The following DAP3 variants were observed in gnomAD, a reference collection of about 807,000 sequenced individuals.
DAP3 encodes the protein death associated protein 3, also known as small ribosomal subunit protein mS29.
In DAP3, 28 loss-of-function variants were observed where a neutral mutation model predicts 51.9. The observed-to-expected ratio is 0.54, with a 90% CI of 0.40 to 0.74. DAP3 has a LOEUF of 0.74. Among genes scored for constraint, DAP3 ranks in the 30% least tolerant of loss-of-function variants. The pLI is 0.00. For missense variants in DAP3, 458 were observed against 483.5 expected (o/e 0.95, Z 0.49); for synonymous variants, 170 against 170.3 (o/e 1.00, Z 0.01).
Position 155,736,940 on chromosome 1 carries a change from C to T in DAP3, c.994-6C>T, listed in dbSNP as rs1207161630. 6.2e-7 allele frequency: 1 copy of T among 1,603,584 alleles called. No individual in the cohort carries two copies. The highest frequency in any genetic ancestry group is 1.7e-5 in the Admixed American group (1 of 59,868). ...AACATGTTTCCTGATCCTTTTTCTT[C>T]CCCAGGAAGGATTTGATGCCCTGGA... On this transcript the variant is annotated splice_polypyrimidine_tract_variant and splice_region_variant and intron_variant, in intron 11 of 12. Transcript: ENST00000368336.
rs781127660 is a variant in DAP3, at chr1:155,690,133, T to C, written c.-8+959T>C. ...GTATCAATGACTTGATTTAGATTAATGAGGATATATTTTTCAAATTTATGC... is the reference window on the plus strand; with the variant it reads ...GTATCAATGACTTGATTTAGATTAACGAGGATATATTTTTCAAATTTATGC... On this transcript the variant is annotated intron_variant, in intron 1 of 12. Coordinates refer to ENST00000368336, the MANE Select transcript of DAP3 (RefSeq NM_004632.4). Among the ~76,000 whole-genome samples, 2 of 141,448 alleles carry C rather than the reference T, an allele frequency of 1.4e-5. 1 individual carries two copies. The highest frequency in any genetic ancestry group is 6.5e-5 in the African/African-American group (2 of 30,960). 92.8% of individuals were successfully genotyped at this position (141,448 alleles called of 152,430 possible).
At position 155,702,633 on chromosome 1, in the gene DAP3, C is replaced by T. The variant is rs61817762; in HGVS notation, c.-7-7140C>T. On this transcript the variant is annotated intron_variant, in intron 1 of 12. Transcript: ENST00000368336. The stretch of plus-strand genomic sequence containing the variant: ...TTGTCCCAACAGCATTTGTTGAAGA[C>T]ACTATTCTTTCCTCATTGAATTGTC... Among the ~76,000 whole-genome samples, 282 of 152,214 alleles carry T rather than the reference C, an allele frequency of 1.9e-3. 1 individual carries two copies. Among genetic ancestry groups the T allele is most frequent in the African/African-American group, 6.6e-3 (273 of 41,534 alleles).
intron 6 of DAP3, among the ~76,000 whole-genome samples, chr1:155,726,678 T>G (rs558824666): frequency 2.0e-5 from 3 of 151,556 alleles, no homozygotes; most frequent in Middle Eastern, 3.4e-3. Context: ...TCCCAGCACT[T>G]TGGGAGGCTG....
intron 1 of DAP3, among the ~76,000 whole-genome samples, chr1:155,693,277 A>G (rs191302283): frequency 4.2e-5 from 6 of 142,130 alleles, no homozygotes; most frequent in Non-Finnish European, 8.8e-5. Flanking sequence ...AGGAGGCTTG[A>G]CACAGCTCTG....
rs181922231 is a variant in DAP3, at chr1:155,730,208, A to G, written c.843+842A>G. ...ATATATAATATTCATATATGTATAT[A>G]TGTATATATAATATTCATATATGTA... On this transcript the variant is annotated intron_variant, in intron 9 of 12. Transcript: ENST00000368336. Among the ~76,000 whole-genome samples, 20 of 148,380 alleles carry G rather than the reference A, an allele frequency of 1.3e-4. No homozygotes were observed. In the East Asian group the frequency reaches 3.5e-3, roughly 26 times the overall value.
intron 1 of DAP3, among the ~76,000 whole-genome samples, chr1:155,708,092 G>T (rs1383496718): frequency 6.6e-6 from 1 of 152,162 alleles, no homozygotes; most frequent in East Asian, 1.9e-4. Flanking sequence ...TTGTTGCCCA[G>T]TCTGGAATGC....
chr1:155,729,604 G>T (rs950807712), intron 9 of DAP3, among the ~76,000 whole-genome samples: 1 of 151,918 alleles, frequency 6.6e-6, no homozygotes, highest in Non-Finnish European at 1.5e-5. Flanking sequence ...CTATAGCAAG[G>T]CCCCTGCCTC....
upstream of DAP3, chr1:155,688,363 C>T: frequency 6.5e-7 from 1 of 1,547,374 alleles, no homozygotes; most frequent in South Asian, 1.2e-5. Flanking sequence ...GCAGCTCCTC[C>T]AGAGGGAGGG....
chr1:155,729,085 C>T lies in DAP3; in HGVS notation c.647C>T (p.Thr216Ile). ...TATGTCTGGAATAAGAGAGAAAGCA[C>T]TGAGAAAGGGAGTCCTCTGGGAGAA... Reference protein sequence around the residue: ...EKYVWNKRESTEKGSPLGEVV... With the variant: ...EKYVWNKRESIEKGSPLGEVV... Residue 216 changes from threonine to isoleucine, a missense_variant, in exon 8 of 13, where the codon ACT becomes ATT. Transcript: ENST00000368336. 6.2e-7 allele frequency: 1 copy of T among 1,614,018 alleles called. No homozygotes were observed. Among genetic ancestry groups the T allele is most frequent in the Non-Finnish European group, 8.5e-7 (1 of 1,180,010 alleles).
chr1:155,728,562 A>G (rs964261070), intron 7 of DAP3, among the ~76,000 whole-genome samples: 1 of 151,908 alleles, frequency 6.6e-6, no homozygotes, highest in Non-Finnish European at 1.5e-5. Flanking sequence ...ATATGGTCTC[A>G]AAAAAAAGAT....
At chr1:155,696,612 T>C (rs1654541778) in intron 1 of DAP3, among the ~76,000 whole-genome samples, 1 of 152,220 alleles carries the variant, frequency 6.6e-6, no homozygotes, top group Non-Finnish European at 1.5e-5. Flanking sequence ...TTTGCAAAGA[T>C]GAATAACATT....
chr1:155,703,023 C>T (rs1655504587), intron 1 of DAP3, among the ~76,000 whole-genome samples: 1 of 152,038 alleles, frequency 6.6e-6, no homozygotes, highest in African/African-American at 2.4e-5. Flanking sequence ...TAAATGTATG[C>T]CAATACCACA....
Position 155,725,500 on chromosome 1 carries a change from C to T in DAP3, c.379+10C>T. The T allele has an allele frequency of 1.2e-6, 2 of 1,609,026 alleles. No homozygotes were observed. Among genetic ancestry groups the T allele is most frequent in the Non-Finnish European group, 1.7e-6 (2 of 1,175,398 alleles). On this transcript the variant is annotated intron_variant, in intron 5 of 12. Coordinates refer to ENST00000368336, the MANE Select transcript of DAP3 (RefSeq NM_004632.4). ...ATACGATATCTTCTGTGTATCCTTT[C>T]CTGCCTGCGTGGACCCTCATGAACC...
chr1:155,687,993 G>A, upstream of DAP3: 1 of 1,452,894 alleles, frequency 6.9e-7, no homozygotes, highest in Non-Finnish European at 9.3e-7. Flanking sequence ...GGAGATGACA[G>A]TGGCTCCCAG....
intron 1 of DAP3, among the ~76,000 whole-genome samples, chr1:155,695,936 T>C (rs946831248): frequency 2.0e-5 from 3 of 152,228 alleles, no homozygotes; most frequent in African/African-American, 7.2e-5. Flanking sequence ...CTGGAAAATT[T>C]TATTTTTAGG....
Position 155,733,980 on chromosome 1 carries a change from C to A in DAP3, c.993+1947C>A, listed in dbSNP as rs1422420738. Among the ~76,000 whole-genome samples the A allele has an allele frequency of 3.3e-5, 5 of 152,042 alleles. No homozygotes were observed. In the East Asian group the frequency reaches 9.6e-4, roughly 29 times the overall value. ...ACCAGCCTGGGCAACAAAGTGAGACCCCATCTCTACAAAAAAAAATTTTAA... is the reference window on the plus strand; with the variant it reads ...ACCAGCCTGGGCAACAAAGTGAGACACCATCTCTACAAAAAAAAATTTTAA... On this transcript the variant is annotated intron_variant, in intron 11 of 12. Transcript: ENST00000368336.
At chr1:155,707,356 T>C (rs936006015) in intron 1 of DAP3, among the ~76,000 whole-genome samples, 2 of 148,928 alleles carry the variant, frequency 1.3e-5, no homozygotes, top group South Asian at 4.2e-4. Context: ...GAGCTTGCAG[T>C]GAGCCAAGAT....
chr1:155,730,368 G>A (rs1294405247), intron 9 of DAP3, among the ~76,000 whole-genome samples: 2 of 151,948 alleles, frequency 1.3e-5, no homozygotes, highest in African/African-American at 4.8e-5. Flanking sequence ...ACTTTTAGGA[G>A]GCCAAGAGGT....
intron 2 of DAP3, among the ~76,000 whole-genome samples, chr1:155,711,133 C>T (rs893422322): frequency 1.3e-5 from 2 of 151,836 alleles, no homozygotes; most frequent in Non-Finnish European, 2.9e-5. Flanking sequence ...TAAAATGAAA[C>T]GAAAGCAAGG....
Sources: gnomAD v4.1 joint callset for allele counts (sites outside exome capture counted in the v4.1 genomes callset) on GRCh38, gnomAD v4.1.1 for gene constraint, MANE v1.5 for transcripts, NCBI Gene and HGNC (gene_info 2026-07-23, HGNC 2026-07-21) for gene names.